DTNA: variants seen among roughly 807,000 people sequenced by gnomAD.
The protein encoded by DTNA is dystrobrevin alpha.
DTNA carries 43 observed loss-of-function variants against 100.7 expected under a neutral mutation model. The ratio of observed to expected loss-of-function variants is 0.43; its 90% CI spans 0.33 to 0.55. The LOEUF is 0.55. DTNA is among the 20% of genes least tolerant of loss of function. The pLI is 0.04. For synonymous variants in DTNA, 349 were observed against 347.9 expected (o/e 1.00, Z -0.04); for missense variants, 798 against 953.9 (o/e 0.84, Z 2.15).
intron 1 of DTNA, among the ~76,000 whole-genome samples, chr18:34,661,003 T>A (rs968013410): frequency 1.3e-5 from 2 of 152,216 alleles, no homozygotes; most frequent in Non-Finnish European, 1.5e-5. Flanking sequence ...TGGCTCAAAA[T>A]TTATCTTTTC....
intron 4 of DTNA, among the ~76,000 whole-genome samples, chr18:34,801,635 G>A (rs769553490): frequency 6.6e-5 from 10 of 150,848 alleles, no homozygotes; most frequent in African/African-American, 1.7e-4. Context: ...CTCAGCCTCC[G>A]AAGTAGCTGG....
chr18:34,601,616 A>G (rs749484870), intron 1 of DTNA, among the ~76,000 whole-genome samples: 11 of 152,222 alleles, frequency 7.2e-5, no homozygotes, highest in Non-Finnish European at 1.5e-4. Flanking sequence ...AAAGTCATAT[A>G]TATCTGTGAA....
At chr18:34,659,460 G>T (rs2074861903) in intron 1 of DTNA, among the ~76,000 whole-genome samples, 1 of 152,098 alleles carries the variant, frequency 6.6e-6, no homozygotes, top group Non-Finnish European at 1.5e-5. Flanking sequence ...ATGACTACTG[G>T]ACTGTACAGC....
intron 1 of DTNA, among the ~76,000 whole-genome samples, chr18:34,495,873 G>A (rs2039139260): frequency 6.6e-6 from 1 of 152,094 alleles, no homozygotes; most frequent in South Asian, 2.1e-4. Flanking sequence ...CACATATTTA[G>A]AGAATTACTC....
At chr18:34,735,737 A>G (rs961548451) in intron 1 of DTNA, among the ~76,000 whole-genome samples, 3 of 152,162 alleles carry the variant, frequency 2.0e-5, no homozygotes, top group Non-Finnish European at 2.9e-5. Flanking sequence ...GGTTTGTTAC[A>G]TAGGTAAACA....
intron 1 of DTNA, among the ~76,000 whole-genome samples, chr18:34,718,560 G>A (rs1047848541): frequency 1.2e-4 from 18 of 152,056 alleles, no homozygotes; most frequent in African/African-American, 4.3e-4. Context: ...TGTTATTCCA[G>A]CATCAAAGCC....
At chr18:34,686,397 C>T (rs994247170) in intron 1 of DTNA, among the ~76,000 whole-genome samples, 2 of 152,080 alleles carry the variant, frequency 1.3e-5, no homozygotes, top group African/African-American at 4.8e-5. Context: ...TTGAGATAAT[C>T]ATGTGGTTTT....
intron 3 of DTNA, among the ~76,000 whole-genome samples, chr18:34,784,233 A>C (rs1166168264): frequency 6.6e-6 from 1 of 152,214 alleles, no homozygotes; most frequent in African/African-American, 2.4e-5. Context: ...TAAACATTTA[A>C]CTTTAGGAGA....
chr18:34,836,134 A>T (rs190117424), intron 11 of DTNA, among the ~76,000 whole-genome samples: 8 of 152,322 alleles, frequency 5.3e-5, no homozygotes, highest in Non-Finnish European at 7.3e-5. Context: ...TTCAGTAGAC[A>T]AAGTCTGGAA....
chr18:34,828,985 A>G, intron 10 of DTNA: 1 of 1,593,448 alleles, frequency 6.3e-7, no homozygotes, highest in South Asian at 1.1e-5. Context: ...GCATTCTGCA[A>G]ATATCAAGCA....
intron 3 of DTNA, among the ~76,000 whole-genome samples, chr18:34,769,636 G>A (rs1458506948): frequency 3.3e-5 from 5 of 151,540 alleles, no homozygotes; most frequent in Admixed American, 3.3e-4. Flanking sequence ...GCCAGATTTG[G>A]TATCTAGGGA....
At chr18:34,862,805 A>T (rs1437343023) in intron 16 of DTNA, among the ~76,000 whole-genome samples, 1 of 152,176 alleles carries the variant, frequency 6.6e-6, no homozygotes, top group African/African-American at 2.4e-5. Flanking sequence ...GTCTCTAAAA[A>T]AAAATAGAAA....
chr18:34,657,278 T>C (rs1243496395), intron 1 of DTNA, among the ~76,000 whole-genome samples: 1 of 152,256 alleles, frequency 6.6e-6, no homozygotes, highest in Non-Finnish European at 1.5e-5. Context: ...ACTGAAAGCC[T>C]GTCATAGCTT....
intron 1 of DTNA, among the ~76,000 whole-genome samples, chr18:34,495,697 A>G (rs985319955): frequency 9.9e-5 from 15 of 152,226 alleles, no homozygotes; most frequent in Non-Finnish European, 1.6e-4. Flanking sequence ...CATTTAGCCA[A>G]TTGTATGTAC....
At chr18:34,543,350 C>T (rs895800463) in intron 1 of DTNA, among the ~76,000 whole-genome samples, 1 of 151,994 alleles carries the variant, frequency 6.6e-6, no homozygotes, top group African/African-American at 2.4e-5. Flanking sequence ...AAAGGAATCT[C>T]TGAAAAAGCT....
At chr18:34,762,917 C>G (rs547830562) in intron 2 of DTNA, among the ~76,000 whole-genome samples, 161 of 152,274 alleles carry the variant, frequency 1.1e-3, no homozygotes, top group Non-Finnish European at 1.9e-3. Context: ...CCCAAAGCAG[C>G]ATCTCTACAT....
intron 1 of DTNA, among the ~76,000 whole-genome samples, chr18:34,574,925 C>G (rs4619467): frequency 0.1 from 15,587 of 152,192 alleles, 1,174 homozygotes; most frequent in African/African-American, 0.2. Flanking sequence ...TCAATTATCT[C>G]TAGTTACTTT....
intron 1 of DTNA, among the ~76,000 whole-genome samples, chr18:34,537,507 T>C (rs1424070240): frequency 6.6e-6 from 1 of 151,736 alleles, no homozygotes; most frequent in African/African-American, 2.4e-5. Flanking sequence ...ATAAATAACA[T>C]GTTTTAAAAA....
intron 2 of DTNA, among the ~76,000 whole-genome samples, chr18:34,759,516 G>C (rs1380689676): frequency 6.6e-6 from 1 of 152,170 alleles, no homozygotes; most frequent in African/African-American, 2.4e-5. Context: ...TTTAATGGAA[G>C]GGAAGTGATT....
Sources: gnomAD v4.1 joint callset for allele counts (sites outside exome capture counted in the v4.1 genomes callset) on GRCh38, gnomAD v4.1.1 for gene constraint, MANE v1.5 for transcripts, NCBI Gene and HGNC (gene_info 2026-07-23, HGNC 2026-07-21) for gene names.